KIAA1217: variants seen among roughly 807,000 people sequenced by gnomAD.
The protein encoded by KIAA1217 is sickle tail protein homolog.
Under a neutral mutation model 163.9 loss-of-function variants are expected in KIAA1217, and 88 were observed. The ratio of observed to expected loss-of-function variants is 0.54; its 90% CI spans 0.45 to 0.64. The LOEUF (loss-of-function observed/expected upper bound fraction) is 0.64. Among genes scored for constraint, KIAA1217 ranks in the 30% least tolerant of loss-of-function variants. KIAA1217 has a pLI of 0.00. For synonymous variants in KIAA1217, 903 were observed against 923.1 expected, an observed-to-expected ratio of 0.98 and a Z score of 0.39; for missense variants, 2,372 against 2,475.0, an observed-to-expected ratio of 0.96 and a Z score of 0.88.
chr10:24,282,858 A>T (rs1172337934), intron 2 of KIAA1217, among the ~76,000 whole-genome samples: 3 of 66,572 alleles, frequency 4.5e-5, no homozygotes, highest in Admixed American at 2.5e-4. Flanking sequence ...TTTCAGACGG[A>T]GTTTCATTCT....
chr10:24,316,230 C>A (rs2043351124), intron 2 of KIAA1217, among the ~76,000 whole-genome samples: 1 of 152,076 alleles, frequency 6.6e-6, no homozygotes, highest in African/African-American at 2.4e-5. Flanking sequence ...GATTTGAGTC[C>A]CTTCAAAGTG....
chr10:23,875,636 G>C (rs1406580570), intron 1 of KIAA1217, among the ~76,000 whole-genome samples: 1 of 151,972 alleles, frequency 6.6e-6, no homozygotes, highest in African/African-American at 2.4e-5. Flanking sequence ...CTACTATAAA[G>C]ACACATACAC....
In KIAA1217 at chr10:23,700,525, A is replaced by G. The variant is rs936367888; in HGVS notation, c.-321+5291A>G. ...TAGTAAAAAAAAAAAAGCCCTTACA[A>G]TTACAAATAAGATTCTACATGATCT... On this transcript the variant is annotated intron_variant, in intron 1 of 18. Coordinates refer to the KIAA1217 transcript ENST00000376462. Among the ~76,000 whole-genome samples, 8 of 151,992 alleles carry G rather than the reference A, an allele frequency of 5.3e-5. 1 individual carries two copies. Among genetic ancestry groups the G allele is most frequent in the African/African-American group, 1.9e-4 (8 of 41,398 alleles).
chr10:23,713,702 T>C (rs1024894361), intron 1 of KIAA1217, among the ~76,000 whole-genome samples: 9 of 152,164 alleles, frequency 5.9e-5, no homozygotes, highest in Non-Finnish European at 1.2e-4. Flanking sequence ...ATAAAACTTT[T>C]TGGTATCTGT....
At chr10:24,521,638 T>C (rs373721347) in intron 11 of KIAA1217, 144 bp from the exon 12 acceptor site, 1 of 935,900 alleles carries the variant, frequency 1.1e-6, no homozygotes, top group Non-Finnish European at 1.6e-6. Context: ...TCCTCTGTGC[T>C]CTTAACCCAC....
intron 1 of KIAA1217, among the ~76,000 whole-genome samples, chr10:23,736,105 A>C (rs1838781952): frequency 6.6e-6 from 1 of 151,968 alleles, no homozygotes; most frequent in African/African-American, 2.4e-5. Flanking sequence ...ATGAACACAC[A>C]TTCTTAATTT....
At chr10:24,486,230 T>C (rs914218113) in intron 6 of KIAA1217, among the ~76,000 whole-genome samples, 1 of 152,140 alleles carries the variant, frequency 6.6e-6, no homozygotes, top group East Asian at 1.9e-4. Context: ...AGTGACCCTG[T>C]TAAAACATGA....
intron 2 of KIAA1217, among the ~76,000 whole-genome samples, chr10:24,342,476 T>A (rs937777555): frequency 7.2e-5 from 11 of 152,160 alleles, no homozygotes; most frequent in Admixed American, 3.3e-4. Flanking sequence ...CCATTGTTAT[T>A]CATTTTTTGT....
At chr10:24,367,388 A>C (rs1331452885) in intron 2 of KIAA1217, among the ~76,000 whole-genome samples, 1 of 152,216 alleles carries the variant, frequency 6.6e-6, no homozygotes, top group African/African-American at 2.4e-5. Flanking sequence ...TGCATTTCTA[A>C]AAATTATGAG....
chr10:23,815,469 C>A (rs553472787), intron 1 of KIAA1217, among the ~76,000 whole-genome samples: 2 of 152,128 alleles, frequency 1.3e-5, no homozygotes, highest in South Asian at 4.2e-4. Context: ...ACGGTGAAAC[C>A]CCGTCTCTAC....
intron 1 of KIAA1217, among the ~76,000 whole-genome samples, chr10:23,790,482 T>C (rs1201319408): frequency 2.7e-5 from 3 of 111,904 alleles, no homozygotes; most frequent in African/African-American, 8.1e-5. Context: ...TACATGTGCA[T>C]ATATACATAT....
At position 24,301,495 on chromosome 10, in the gene KIAA1217, A is replaced by G. The variant is rs1374507358; in HGVS notation, c.355-79374A>G. Reference sequence around the variant, plus strand: ...ATGTCACCACAGTGCCAGGTGCAGCATAGTGCTCAGGGCCCCACGCACCTT... The same window carrying G: ...ATGTCACCACAGTGCCAGGTGCAGCGTAGTGCTCAGGGCCCCACGCACCTT... On this transcript the variant is annotated intron_variant, in intron 2 of 20. Transcript: ENST00000376454. Among the ~76,000 whole-genome samples, 5 of 152,140 alleles carry G rather than the reference A, an allele frequency of 3.3e-5. 1 individual carries two copies. Among genetic ancestry groups the G allele is most frequent in the Non-Finnish European group, 5.9e-5 (4 of 68,016 alleles).
At chr10:24,444,853 TTG>T (rs986164636) in intron 5 of KIAA1217, among the ~76,000 whole-genome samples, 1 of 152,166 alleles carries the variant, frequency 6.6e-6, no homozygotes, top group Admixed American at 6.5e-5. Context: ...GTACAGGCAT[TTG>T]TGGCGTGTGT....
rs376099842 is a variant in KIAA1217 at position 24,459,217 on chromosome 10, C to T, written c.847-14011C>T. ...CTTGTCCTTGACCATGCCTTAGTTC[C>T]TGCCTGGAATACCTAAGAAAGGGAC... is the stretch of plus-strand genomic sequence containing the variant. On this transcript the variant is annotated intron_variant, in intron 5 of 20. Transcript: ENST00000376454. 5.3e-5 allele frequency among the ~76,000 whole-genome samples: 8 copies of T among 152,276 alleles called. 1 individual carries two copies. Among genetic ancestry groups the T allele is most frequent in the African/African-American group, 1.7e-4 (7 of 41,558 alleles).
rs2068548920 is a variant in KIAA1217 at position 24,214,407 on chromosome 10, A to G, written c.70+5144A>G. 2.0e-5 allele frequency among the ~76,000 whole-genome samples: 3 copies of G among 152,072 alleles called. No individual in the cohort carries two copies. The South Asian group carries it at 6.2e-4, about 32-fold the overall frequency. On this transcript the variant is annotated intron_variant, in intron 1 of 20. Coordinates refer to ENST00000376454, the MANE Select transcript of KIAA1217 (RefSeq NM_019590.5). Reference sequence around the variant, plus strand: ...CTGCCTTGTCACTATGGCATCCCCCACGGCGTTGGAGGGTTCTGCTGGATC... The same window carrying G: ...CTGCCTTGTCACTATGGCATCCCCCGCGGCGTTGGAGGGTTCTGCTGGATC...
chr10:24,232,261 A>G (rs2071516592), intron 2 of KIAA1217, among the ~76,000 whole-genome samples: 1 of 152,204 alleles, frequency 6.6e-6, no homozygotes, highest in Non-Finnish European at 1.5e-5. Flanking sequence ...GACGTTAATC[A>G]CCCAGAATGC....
intron 2 of KIAA1217, among the ~76,000 whole-genome samples, chr10:24,065,598 C>T (rs1589365465): frequency 6.6e-6 from 1 of 152,146 alleles, no homozygotes; most frequent in East Asian, 1.9e-4. Context: ...TGGTGTGGTG[C>T]TGACAAGAAT....
At chr10:24,433,897 A>C (rs1286133059) in intron 4 of KIAA1217, among the ~76,000 whole-genome samples, 2 of 152,096 alleles carry the variant, frequency 1.3e-5, no homozygotes, top group Non-Finnish European at 2.9e-5. Context: ...CTTACTTTCC[A>C]GGTGGCCTTT....
intron 3 of KIAA1217, among the ~76,000 whole-genome samples, chr10:24,387,026 GC>G (rs755059222): frequency 6.6e-6 from 1 of 152,234 alleles, no homozygotes; most frequent in East Asian, 1.9e-4. Context: ...GAGTTTCATA[GC>G]AGGTCAATAA....
Sources: allele counts gnomAD v4.1 joint callset (sites outside exome capture counted in the v4.1 genomes callset), GRCh38; gene constraint gnomAD v4.1.1; transcripts MANE v1.5; gene names NCBI Gene and HGNC (gene_info 2026-07-23, HGNC 2026-07-21).